KRTDAP: variants seen among roughly 807,000 people sequenced by gnomAD.
KRTDAP encodes the protein keratinocyte differentiation associated protein.
A neutral mutation model predicts 18.6 loss-of-function variants in KRTDAP; 14 were observed. That is an observed-to-expected ratio of 0.75 (90% CI 0.50 to 1.18). KRTDAP has a LOEUF of 1.18. Among genes scored for constraint, KRTDAP ranks in the 50% most tolerant of loss-of-function variants. The probability of loss-of-function intolerance (pLI) is 0.00; values close to 1 mark genes in which losing one functional copy is unlikely to be tolerated. For missense variants in KRTDAP, 114 were observed against 121.3 expected (o/e 0.94, Z 0.28); for synonymous variants, 53 against 49.5 (o/e 1.07, Z -0.29).
intron 1 of KRTDAP, among the ~76,000 whole-genome samples, chr19:35,489,311 C>A (rs1207406196): frequency 6.6e-6 from 1 of 152,168 alleles, no homozygotes; most frequent in Admixed American, 6.5e-5. Flanking sequence ...TCCATAATCC[C>A]CCTCCATGGG....
Position 35,488,855 on chromosome 19 carries a change from G to A in KRTDAP, c.88-15C>T, listed in dbSNP as rs1313412803. The stretch of plus-strand genomic sequence containing the variant: ...GTGCTTTCTTCCTGGAAAAGGAGAG[G>A]GAGAAAAGGCGGCAGGGGGTCACGT... On this transcript the variant is annotated splice_polypyrimidine_tract_variant and intron_variant, in intron 1 of 5. Coordinates refer to ENST00000338897, the MANE Select transcript of KRTDAP (RefSeq NM_207392.3). 2 of 1,613,504 alleles carry A rather than the reference G, an allele frequency of 1.2e-6. No homozygotes were observed. The highest frequency in any genetic ancestry group is 1.7e-6 in the Non-Finnish European group (2 of 1,179,932).
At chr19:35,488,389 C>A in intron 4 of KRTDAP, 52 bp downstream of exon 4, 1 of 1,590,722 alleles carries the variant, frequency 6.3e-7, no homozygotes, top group South Asian at 1.1e-5. Flanking sequence ...TGGCCACTAC[C>A]CTGGGATGAC....
intron 4 of KRTDAP, 131 bp downstream of exon 4, chr19:35,488,310 C>T: frequency 1.1e-6 from 1 of 913,864 alleles, no homozygotes; most frequent in Admixed American, 2.2e-5. Context: ...CATTGGGCAG[C>T]ATCCAGGCAG....
rs779239259 is a variant in KRTDAP, at chr19:35,487,453, C to G, written c.275G>C (p.Arg92Thr). 1 of 1,614,130 alleles carries G rather than the reference C, an allele frequency of 6.2e-7. No individual in the cohort carries two copies. The highest frequency in any genetic ancestry group is 1.1e-5 in the South Asian group (1 of 91,072). Reference protein sequence around the residue: ...WDAFPKLKGLRSATPDAQ With the variant: ...WDAFPKLKGLTSATPDAQ Reference sequence around the variant, plus strand: ...TCACTGGGCATCAGGAGTTGCGCTCCTCAGTCCTTTCAGCTAGAGGGAGAG... The same window carrying G: ...TCACTGGGCATCAGGAGTTGCGCTCGTCAGTCCTTTCAGCTAGAGGGAGAG... Residue 92 changes from arginine (R) to threonine (T), a missense_variant, in exon 6 of 6, where the codon AGG becomes ACG. By Grantham distance (71) the Arg-to-Thr change is moderately conservative. Coordinates refer to ENST00000338897, the MANE Select transcript of KRTDAP (RefSeq NM_207392.3).
intron 4 of KRTDAP, 57 bp from the exon 5 acceptor site, chr19:35,487,816 G>A (rs780274772): frequency 7.2e-6 from 8 of 1,115,774 alleles, no homozygotes; most frequent in South Asian, 2.5e-5. Context: ...GGCATGGATG[G>A]GTAAGCATTC....
chr19:35,488,927 A>G (rs1253564577), intron 1 of KRTDAP, 87 bp from the exon 2 acceptor site: 6 of 1,277,372 alleles, frequency 4.7e-6, no homozygotes, highest in Non-Finnish European at 1.1e-6. Flanking sequence ...CTCTGCCTTC[A>G]TCCACAGCCC....
Position 35,487,374 on chromosome 19 carries a change from G to C in KRTDAP, c.*54C>G. On this transcript the variant is annotated 3_prime_UTR_variant, in exon 6 of 6. Transcript: ENST00000338897. ...AGTTCCTGAGGCAGGAAAGAGTTAT[G>C]GTAGGTTGAGAATCAGCGCTCACGC... The C allele has an allele frequency of 1.3e-6, 2 of 1,535,124 alleles. No individual in the cohort carries two copies. Among genetic ancestry groups the C allele is most frequent in the Non-Finnish European group, 1.8e-6 (2 of 1,107,314 alleles).
At chr19:35,489,547 G>A (rs962391711) in intron 1 of KRTDAP, among the ~76,000 whole-genome samples, 10 of 152,200 alleles carry the variant, frequency 6.6e-5, no homozygotes, top group South Asian at 2.1e-4. Flanking sequence ...AATCCATGGC[G>A]TCAGGTGGGG....
rs1240558091 is a variant in KRTDAP, at chr19:35,487,435, G to T, written c.293C>A (p.Ala98Asp). Residue 98 changes from alanine to aspartate, a missense_variant, in exon 6 of 6, where the codon GCC becomes GAC. By Grantham distance (126) the Ala-to-Asp change is moderately radical. Transcript: ENST00000338897. The part of the protein sequence containing the change: ...LKGLRSATPD[A>D]Q The stretch of plus-strand genomic sequence containing the variant: ...TTCCAGTGGAGGTCATGGTCACTGG[G>T]CATCAGGAGTTGCGCTCCTCAGTCC... 6.2e-7 allele frequency: 1 copy of T among 1,614,116 alleles called. No individual in the cohort carries two copies. The highest frequency in any genetic ancestry group is 1.7e-5 in the Admixed American group (1 of 60,032).
intron 1 of KRTDAP, 92 bp from the exon 2 acceptor site, chr19:35,488,932 C>A: frequency 1.6e-6 from 2 of 1,216,260 alleles, no homozygotes; most frequent in Non-Finnish European, 2.4e-6. Context: ...CCTTCATCCA[C>A]AGCCCAGTCC....
intron 1 of KRTDAP, among the ~76,000 whole-genome samples, 183 bp downstream of exon 1, chr19:35,490,173 C>T (rs917995606): frequency 4.6e-5 from 7 of 152,200 alleles, no homozygotes; most frequent in African/African-American, 1.7e-4. Flanking sequence ...AGGAGCATCT[C>T]TGTCCCAAAT....
At chr19:35,487,517 T>C in intron 5 of KRTDAP, 51 bp from the exon 6 acceptor site, 1 of 1,498,660 alleles carries the variant, frequency 6.7e-7, no homozygotes. Context: ...GTGCCCAGTA[T>C]AGGATGGCAT....
At chr19:35,487,868 A>C in intron 4 of KRTDAP, 109 bp from the exon 5 acceptor site, 3 of 735,138 alleles carry the variant, frequency 4.1e-6, no homozygotes, top group Non-Finnish European at 7.2e-6. Context: ...CAATAATGTC[A>C]TTATTTTGTC....
rs1443855756 is a variant in KRTDAP, at chr19:35,488,858, GA to G, written c.88-19del. On this transcript the variant is annotated intron_variant, in intron 1 of 5. Coordinates refer to ENST00000338897, the MANE Select transcript of KRTDAP (RefSeq NM_207392.3). ...CTTTCTTCCTGGAAAAGGAGAGGGA[GA>G]AAAGGCGGCAGGGGGTCACGTGATG... The G allele has an allele frequency of 6.2e-7, 1 of 1,613,422 alleles. No homozygotes were observed. The highest frequency in any genetic ancestry group is 1.7e-5 in the Admixed American group (1 of 59,990).
At chr19:35,488,364 T>A (rs904622901) in intron 4 of KRTDAP, 77 bp downstream of exon 4, 3 of 1,485,904 alleles carry the variant, frequency 2.0e-6, no homozygotes, top group African/African-American at 2.7e-5. Context: ...CCCATACATT[T>A]AAAGCCAAAA....
chr19:35,489,073 G>C (rs2067508706), intron 1 of KRTDAP, among the ~76,000 whole-genome samples: 1 of 152,250 alleles, frequency 6.6e-6, no homozygotes, highest in African/African-American at 2.4e-5. Context: ...GCAGCAGGCA[G>C]AAAGCCTGGA....
chr19:35,487,503 G>T (rs374962384), intron 5 of KRTDAP, 37 bp from the exon 6 acceptor site: 23 of 1,561,970 alleles, frequency 1.5e-5, no homozygotes, highest in Non-Finnish European at 1.7e-5. Flanking sequence ...TGGGGAACCC[G>T]TGGGTGCCCA....
chr19:35,487,742 A>C lies in KRTDAP; in HGVS notation c.231T>G (p.Leu77=), dbSNP rs2067499325. Residue 77 remains leucine (L), a synonymous_variant, in exon 5 of 6, where the codon CTT becomes CTG. Transcript: ENST00000338897. The part of the protein sequence containing the change: ...HALFESIKRK[L]PFLNWDAFPK... ...GAAAGGCATCCCAGTTGAGGAAAGG[A>C]AGTTTCCTTTTGATAGACTAAAAGA... 1 of 1,613,382 alleles carries C rather than the reference A, an allele frequency of 6.2e-7. No individual in the cohort carries two copies. Among genetic ancestry groups the C allele is most frequent in the Non-Finnish European group, 8.5e-7 (1 of 1,179,350 alleles).
At position 35,488,846 on chromosome 19, in the gene KRTDAP, A is replaced by G. The variant is rs371295734; in HGVS notation, c.88-6T>C. 156 of 1,613,806 alleles carry G rather than the reference A, an allele frequency of 9.7e-5. No homozygotes were observed. The highest frequency in any genetic ancestry group is 3.3e-4 in the Middle Eastern group (2 of 6,054). ...TTCTCAATGGTGCTTTCTTCCTGGA[A>G]AAGGAGAGGGAGAAAAGGCGGCAGG... On this transcript the variant is annotated splice_polypyrimidine_tract_variant and splice_region_variant and intron_variant, in intron 1 of 5. Coordinates refer to ENST00000338897, the MANE Select transcript of KRTDAP (RefSeq NM_207392.3).
Sources: allele counts gnomAD v4.1 joint callset (sites outside exome capture counted in the v4.1 genomes callset), GRCh38; gene constraint gnomAD v4.1.1; transcripts MANE v1.5; gene names NCBI Gene and HGNC (gene_info 2026-07-23, HGNC 2026-07-21).